Variants in OR4N2 observed in about 807,000 individuals in gnomAD.
OR4N2 encodes olfactory receptor family 4 subfamily N member 2.
For missense variants in OR4N2, 307 were observed against 377.6 expected (o/e 0.81, Z 1.55); for synonymous variants, 141 against 140.4 (o/e 1.00, Z -0.03).
chr14:19,827,496 T>A lies in OR4N2; in HGVS notation c.48T>A (p.Gly16=), dbSNP rs546116629. Residue 16 remains glycine, a synonymous_variant, in exon 2 of 2, where the codon GGT becomes GGA. Transcript: ENST00000557677. ...TGATAAGAGAATTCATCCTCCTTGGTCTGACCCAGTCTCAAGATATTCAGC... is the reference window on the plus strand; with the variant it reads ...TGATAAGAGAATTCATCCTCCTTGGACTGACCCAGTCTCAAGATATTCAGC... ...RTVIREFILL[G]LTQSQDIQLL... 16 of 1,612,048 alleles carry A rather than the reference T, an allele frequency of 9.9e-6. No individual in the cohort carries two copies. In the Admixed American group the frequency reaches 2.5e-4, roughly 25 times the overall value.
chr14:19,810,678 TAAAAGG>T (rs1879274422), intron 1 of OR4N2, among the ~76,000 whole-genome samples: 1 of 152,090 alleles, frequency 6.6e-6, no homozygotes, highest in African/African-American at 2.4e-5. Context: ...AAGAAAGAGA[TAAAAGG>T]AAAAGAGTCA....
chr14:19,809,275 A>G (rs1227216977), intron 1 of OR4N2, among the ~76,000 whole-genome samples: 1 of 152,346 alleles, frequency 6.6e-6, no homozygotes, highest in Non-Finnish European at 1.5e-5. Flanking sequence ...CCTAGGAAAT[A>G]CTCTTCTCAG....
intron 1 of OR4N2, among the ~76,000 whole-genome samples, chr14:19,824,609 A>G (rs1314664828): frequency 6.6e-6 from 1 of 152,198 alleles, no homozygotes; most frequent in African/African-American, 2.4e-5. Flanking sequence ...ATTTTCTTCC[A>G]CCTCTGCCAC....
intron 1 of OR4N2, among the ~76,000 whole-genome samples, chr14:19,818,632 A>G (rs1879486707): frequency 6.6e-6 from 1 of 152,152 alleles, no homozygotes; most frequent in Admixed American, 6.6e-5. Flanking sequence ...TTGAGTCTCT[A>G]TCCAATTTAC....
rs545001895 is a variant in OR4N2, at chr14:19,807,522, T to G, written c.-10+3678T>G. 6.6e-5 allele frequency among the ~76,000 whole-genome samples: 10 copies of G among 152,184 alleles called. No homozygotes were observed. The East Asian group carries it at 9.6e-4, about 15-fold the overall frequency. On this transcript the variant is annotated intron_variant, in intron 1 of 1. Transcript: ENST00000557677. ...CATGGAAACACACAATCTCCCAAGA[T>G]TGAATCCCTGGAAGAGATTGAAACC...
intron 1 of OR4N2, among the ~76,000 whole-genome samples, chr14:19,814,710 T>C (rs996268967): frequency 6.6e-6 from 1 of 152,244 alleles, no homozygotes; most frequent in African/African-American, 2.4e-5. Context: ...CTGGGATACA[T>C]GTGTAGAATA....
At chr14:19,821,570 C>A (rs114129576) in intron 1 of OR4N2, among the ~76,000 whole-genome samples, 1 of 152,160 alleles carries the variant, frequency 6.6e-6, no homozygotes, top group Non-Finnish European at 1.5e-5. Flanking sequence ...TATTATAACA[C>A]GTAAATTTAC....
At chr14:19,818,062 T>G (rs780157049) in intron 1 of OR4N2, among the ~76,000 whole-genome samples, 11 of 152,266 alleles carry the variant, frequency 7.2e-5, no homozygotes, top group Non-Finnish European at 1.2e-4. Context: ...CTATTTGTTA[T>G]GATTTCTGTT....
intron 1 of OR4N2, among the ~76,000 whole-genome samples, chr14:19,816,043 G>A (rs1879418994): frequency 6.6e-6 from 1 of 152,314 alleles, no homozygotes; most frequent in South Asian, 2.1e-4. Flanking sequence ...CCTCTTTCCT[G>A]TTCCATTGGT....
In OR4N2 at chr14:19,827,942, G is replaced by A. The variant is rs1185775789; in HGVS notation, c.494G>A (p.Arg165His). The A allele has an allele frequency of 7.4e-6, 12 of 1,614,132 alleles. No individual in the cohort carries two copies. Among genetic ancestry groups the A allele is most frequent in the Non-Finnish European group, 1.0e-5 (12 of 1,180,030 alleles). ...HSIIQVVLIL[R>H]LPFCGPNQLD... ...ATTATCCAGGTGGTCCTCATCCTCC[G>A]CTTGCCTTTTTGTGGCCCAAACCAG... Residue 165 changes from arginine (R) to histidine (H), a missense_variant, in exon 2 of 2, where the codon CGC becomes CAC. Physicochemically the swap from Arg to His is conservative, Grantham distance 29 (BLOSUM62 0). Coordinates refer to ENST00000557677, the MANE Select transcript of OR4N2 (RefSeq NM_001004723.3).
intron 1 of OR4N2, among the ~76,000 whole-genome samples, chr14:19,806,268 G>A (rs1879162371): frequency 1.3e-5 from 2 of 152,252 alleles, no homozygotes; most frequent in South Asian, 4.1e-4. Flanking sequence ...CTACTTAAAA[G>A]GCATAGAGTG....
At position 19,828,330 on chromosome 14, in the gene OR4N2, G is replaced by A. The variant is rs760639622; in HGVS notation, c.882G>A (p.Val294=). ...TTTATACCCTTCGCAACCAGGAAGT[G>A]AAAGCTTCCATGAAAAAGGTGTTTA... ...PVIYTLRNQE[V]KASMKKVFNK... Residue 294 remains valine, a synonymous_variant, in exon 2 of 2, where the codon GTG becomes GTA. Transcript: ENST00000557677. 6.2e-7 allele frequency: 1 copy of A among 1,612,862 alleles called. No homozygotes were observed. Among genetic ancestry groups the A allele is most frequent in the South Asian group, 1.1e-5 (1 of 91,046 alleles).
At chr14:19,804,919 T>C (rs1879126286) in intron 1 of OR4N2, among the ~76,000 whole-genome samples, 1 of 152,236 alleles carries the variant, frequency 6.6e-6, no homozygotes. Context: ...GTTCTTCTTG[T>C]TGAGTTTAAC....
chr14:19,826,932 A>G (rs1426967174), intron 1 of OR4N2, among the ~76,000 whole-genome samples: 1 of 152,276 alleles, frequency 6.6e-6, no homozygotes, highest in African/African-American at 2.4e-5. Flanking sequence ...GACAGAGGGT[A>G]AGGAAGAGAG....
intron 1 of OR4N2, chr14:19,821,809 G>A (rs1879573054): frequency 6.6e-6 from 1 of 152,246 alleles, no homozygotes; most frequent in Non-Finnish European, 1.5e-5. Flanking sequence ...CATTCAGTGG[G>A]TCATGGTAGT....
chr14:19,822,755 T>C (rs1879598465), intron 1 of OR4N2, among the ~76,000 whole-genome samples: 1 of 152,282 alleles, frequency 6.6e-6, no homozygotes, highest in African/African-American at 2.4e-5. Flanking sequence ...TGTACTTGAA[T>C]GAATTACATA....
At chr14:19,816,013 G>C (rs560157232) in intron 1 of OR4N2, among the ~76,000 whole-genome samples, 1 of 152,178 alleles carries the variant, frequency 6.6e-6, no homozygotes, top group Non-Finnish European at 1.5e-5. Context: ...GGTTGTAGAC[G>C]TGTGGCATTA....
chr14:19,820,732 A>T (rs998335256), intron 1 of OR4N2, among the ~76,000 whole-genome samples: 1 of 152,258 alleles, frequency 6.6e-6, no homozygotes, highest in Non-Finnish European at 1.5e-5. Context: ...TACACTGTGA[A>T]GGGAAAAGTG....
At chr14:19,819,816 T>C (rs1390552000) in intron 1 of OR4N2, among the ~76,000 whole-genome samples, 2 of 152,290 alleles carry the variant, frequency 1.3e-5, no homozygotes, top group African/African-American at 2.4e-5. Flanking sequence ...CTCATCTTTA[T>C]GGACCTATCT....
Sources: gnomAD v4.1 joint callset for allele counts (sites outside exome capture counted in the v4.1 genomes callset) on GRCh38, gnomAD v4.1.1 for gene constraint, MANE v1.5 for transcripts, NCBI Gene and HGNC (gene_info 2026-07-23, HGNC 2026-07-21) for gene names.